SCAPER: variants seen among roughly 807,000 people sequenced by gnomAD.
The protein encoded by SCAPER is S-phase cyclin A associated protein in the ER, also known as S phase cyclin A-associated protein in the endoplasmic reticulum.
Under a neutral mutation model 182.2 loss-of-function variants are expected in SCAPER, and 98 were observed. That is an observed-to-expected ratio of 0.54 (90% confidence interval 0.46 to 0.64). The LOEUF is 0.64. Among genes scored for constraint, SCAPER ranks in the 30% least tolerant of loss-of-function variants. The probability of loss-of-function intolerance (pLI) is 0.00; values close to 1 mark genes in which losing one functional copy is unlikely to be tolerated. For missense variants in SCAPER, 1,432 were observed against 1,690.0 expected (o/e 0.85, Z 2.68); for synonymous variants, 605 against 564.6 (o/e 1.07, Z -1.01).
At chr15:76,366,187 C>A (rs1289340185) in intron 29 of SCAPER, among the ~76,000 whole-genome samples, 4 of 152,002 alleles carry the variant, frequency 2.6e-5, no homozygotes, top group Admixed American at 6.5e-5. Flanking sequence ...GGGAGGTGGG[C>A]AGATGAATGG....
At chr15:76,498,787 T>C (rs1003079777) in intron 24 of SCAPER, among the ~76,000 whole-genome samples, 6 of 152,198 alleles carry the variant, frequency 3.9e-5, no homozygotes, top group Non-Finnish European at 7.3e-5. Flanking sequence ...AGTTTTACTT[T>C]GGAGAATAAA....
At chr15:76,844,374 A>G (rs1385759640) in intron 4 of SCAPER, among the ~76,000 whole-genome samples, 1 of 151,950 alleles carries the variant, frequency 6.6e-6, no homozygotes, top group African/African-American at 2.4e-5. Flanking sequence ...TGAGAATCTG[A>G]GAAAACCTAT....
At chr15:76,481,267 G>A (rs2051114741) in intron 24 of SCAPER, among the ~76,000 whole-genome samples, 2 of 152,156 alleles carry the variant, frequency 1.3e-5, no homozygotes, top group Admixed American at 1.3e-4. Context: ...TATGCTGGGA[G>A]GCAAGATTAA....
chr15:76,379,963 G>C (rs1567026116), intron 28 of SCAPER: 1 of 152,180 alleles, frequency 6.6e-6, no homozygotes, highest in East Asian at 1.9e-4. Flanking sequence ...CAGTATAAAT[G>C]TTGGCCAAGA....
At chr15:76,488,189 A>G (rs973732790) in intron 24 of SCAPER, among the ~76,000 whole-genome samples, 2 of 152,176 alleles carry the variant, frequency 1.3e-5, no homozygotes, top group African/African-American at 4.8e-5. Context: ...GTAATATTTC[A>G]AATTCAAATT....
intron 20 of SCAPER, among the ~76,000 whole-genome samples, chr15:76,688,802 A>G (rs990570806): frequency 4.0e-5 from 6 of 148,370 alleles, no homozygotes; most frequent in African/African-American, 1.5e-4. Context: ...TTTTGGTACC[A>G]GTACCATGCT....
intron 25 of SCAPER, among the ~76,000 whole-genome samples, chr15:76,437,724 T>G (rs971479988): frequency 3.9e-5 from 6 of 152,184 alleles, no homozygotes; most frequent in Admixed American, 2.0e-4. Flanking sequence ...TATCTAGAAG[T>G]TTTTTTATCC....
At chr15:76,731,423 TG>T (rs1412678938) in intron 16 of SCAPER, among the ~76,000 whole-genome samples, 2 of 152,144 alleles carry the variant, frequency 1.3e-5, no homozygotes, top group African/African-American at 4.8e-5. Context: ...AACAGCAAAC[TG>T]AGAATATATG....
intron 20 of SCAPER, among the ~76,000 whole-genome samples, chr15:76,676,255 C>T (rs572366050): frequency 6.6e-6 from 1 of 152,250 alleles, no homozygotes; most frequent in South Asian, 2.1e-4. Flanking sequence ...TTCTTAACAC[C>T]CCACTTCCTT....
rs552637498 is a variant in SCAPER at position 76,841,713 on chromosome 15, A to G, written c.393+21T>C. The G allele has an allele frequency of 5.6e-6, 9 of 1,609,526 alleles. No individual in the cohort carries two copies. The Admixed American group carries it at 1.2e-4, about 21-fold the overall frequency. ...AGAATCTGAGTTCAAATGGATTACA[A>G]GGCCTCAAAGCAAACCTTACCTTAC... is the stretch of plus-strand genomic sequence containing the variant. On this transcript the variant is annotated intron_variant, in intron 5 of 31. Coordinates refer to ENST00000563290, the MANE Select transcript of SCAPER (RefSeq NM_020843.4).
intron 5 of SCAPER, among the ~76,000 whole-genome samples, chr15:76,820,483 G>T (rs1026189649): frequency 6.6e-6 from 1 of 151,014 alleles, no homozygotes; most frequent in African/African-American, 2.4e-5. Flanking sequence ...GCAAACTATC[G>T]CAAGGACAAA....
At chr15:76,789,339 C>T (rs1351629050) in intron 8 of SCAPER, among the ~76,000 whole-genome samples, 1 of 152,030 alleles carries the variant, frequency 6.6e-6, no homozygotes, top group Non-Finnish European at 1.5e-5. Flanking sequence ...TCTCAGTTTC[C>T]AGTTAACTGG....
chr15:76,888,853 G>C (rs987198244), intron 1 of SCAPER, among the ~76,000 whole-genome samples: 1 of 152,062 alleles, frequency 6.6e-6, no homozygotes, highest in Non-Finnish European at 1.5e-5. Flanking sequence ...CTCGAGAAGA[G>C]GAACCCCAAG....
chr15:76,490,979 C>G (rs763014823), intron 24 of SCAPER, among the ~76,000 whole-genome samples: 7 of 152,098 alleles, frequency 4.6e-5, no homozygotes, highest in Non-Finnish European at 1.0e-4. Context: ...ATGTTTCTCC[C>G]TTTAAACCCA....
intron 20 of SCAPER, among the ~76,000 whole-genome samples, chr15:76,691,290 G>A (rs918722020): frequency 5.3e-5 from 8 of 151,766 alleles, no homozygotes; most frequent in South Asian, 2.1e-4. Context: ...GAAGAAAACC[G>A]TAAACTTTAC....
intron 8 of SCAPER, among the ~76,000 whole-genome samples, chr15:76,786,747 G>C (rs2064639396): frequency 6.6e-6 from 1 of 152,090 alleles, no homozygotes; most frequent in African/African-American, 2.4e-5. Flanking sequence ...TGACATAATA[G>C]AAAATCCCAG....
At chr15:76,552,805 T>C (rs1198565316) in intron 23 of SCAPER, among the ~76,000 whole-genome samples, 3 of 152,042 alleles carry the variant, frequency 2.0e-5, no homozygotes, top group African/African-American at 7.2e-5. Context: ...AGAGACTGTT[T>C]AACCTGAACA....
At chr15:76,468,080 T>C (rs1236012986) in intron 25 of SCAPER, among the ~76,000 whole-genome samples, 2 of 152,162 alleles carry the variant, frequency 1.3e-5, no homozygotes, top group Admixed American at 1.3e-4. Context: ...AGGATACTAA[T>C]AAGTCAGTGG....
intron 8 of SCAPER, among the ~76,000 whole-genome samples, chr15:76,776,538 A>G (rs1257429637): frequency 1.3e-5 from 2 of 152,182 alleles, no homozygotes; most frequent in Non-Finnish European, 1.5e-5. Flanking sequence ...ACCAGCATCA[A>G]TGAGGCAGAA....
Sources: allele counts gnomAD v4.1 joint callset (sites outside exome capture counted in the v4.1 genomes callset), GRCh38; gene constraint gnomAD v4.1.1; transcripts MANE v1.5; gene names NCBI Gene and HGNC (gene_info 2026-07-23, HGNC 2026-07-21).